Variants in PIP4K2A observed in about 807,000 individuals in gnomAD.
PIP4K2A encodes phosphatidylinositol 5-phosphate 4-kinase type-2 alpha.
PIP4K2A carries 14 observed loss-of-function variants against 42.9 expected under a neutral mutation model. That is an observed-to-expected ratio of 0.33 (90% CI 0.22 to 0.51). PIP4K2A has a LOEUF of 0.51. PIP4K2A is among the 20% of genes least tolerant of loss of function. PIP4K2A has a pLI of 0.97. For missense variants in PIP4K2A, 434 were observed against 519.8 expected (o/e 0.83, Z 1.61); for synonymous variants, 192 against 192.2 (o/e 1.00, Z 0.01).
At chr10:22,635,956 G>C (rs1295278916) in intron 1 of PIP4K2A, among the ~76,000 whole-genome samples, 1 of 152,226 alleles carries the variant, frequency 6.6e-6, no homozygotes, top group Non-Finnish European at 1.5e-5. Flanking sequence ...TTCATGTGGA[G>C]ATGTTTAACA....
In PIP4K2A at chr10:22,714,176, C is replaced by A. The variant is rs759078971; in HGVS notation, c.144+7G>T. On this transcript the variant is annotated splice_region_variant and intron_variant, in intron 1 of 9. Transcript: ENST00000376573. ...AAGGGGACCGCGCGCCGCAGCTGAG[C>A]CCTTACCGAGTGGTTTACCCCCCAC... 5 of 1,604,498 alleles carry A rather than the reference C, an allele frequency of 3.1e-6. No homozygotes were observed. Among genetic ancestry groups the A allele is most frequent in the Admixed American group, 1.7e-5 (1 of 59,340 alleles).
intron 1 of PIP4K2A, among the ~76,000 whole-genome samples, chr10:22,697,544 C>A (rs1372840522): frequency 6.6e-6 from 1 of 152,016 alleles, no homozygotes; most frequent in Non-Finnish European, 1.5e-5. Flanking sequence ...CACAGCAAGA[C>A]CCCCATCTCT....
intron 9 of PIP4K2A, among the ~76,000 whole-genome samples, chr10:22,537,856 T>C (rs953185105): frequency 6.6e-6 from 1 of 152,094 alleles, no homozygotes; most frequent in Non-Finnish European, 1.5e-5. Flanking sequence ...CGTAACCAGG[T>C]GAGGCACAAC....
At chr10:22,549,709 C>T (rs1463431090) in intron 7 of PIP4K2A, among the ~76,000 whole-genome samples, 2 of 151,116 alleles carry the variant, frequency 1.3e-5, no homozygotes, top group African/African-American at 2.4e-5. Flanking sequence ...GGCGTGGTGG[C>T]GGGTGCCTGT....
At chr10:22,642,022 A>T (rs1838792783) in intron 1 of PIP4K2A, 1 of 152,246 alleles carries the variant, frequency 6.6e-6, no homozygotes, top group Non-Finnish European at 1.5e-5. Context: ...TAATGATGAG[A>T]TATAAAGAAT....
At chr10:22,664,226 T>TACACACAC (rs796292751) in intron 1 of PIP4K2A, among the ~76,000 whole-genome samples, 2 of 54,424 alleles carry the variant, frequency 3.7e-5, no homozygotes, top group East Asian at 1.3e-3. Context: ...TACATATATA[T>TACACACAC]ATACACACAC....
At chr10:22,651,195 C>T (rs1838988964) in intron 1 of PIP4K2A, among the ~76,000 whole-genome samples, 1 of 152,214 alleles carries the variant, frequency 6.6e-6, no homozygotes, top group South Asian at 2.1e-4. Context: ...TCTGGACTCA[C>T]TAAGTCTGTC....
At chr10:22,573,666 CCAAA>C (rs1837042855) in intron 4 of PIP4K2A, among the ~76,000 whole-genome samples, 2 of 152,226 alleles carry the variant, frequency 1.3e-5, no homozygotes, top group African/African-American at 4.8e-5. Flanking sequence ...AATTTTATCT[CCAAA>C]CAGATTTTTT....
chr10:22,641,898 T>G (rs545229234), intron 1 of PIP4K2A: 1 of 152,394 alleles, frequency 6.6e-6, no homozygotes, highest in Admixed American at 6.5e-5. Context: ...TTCTCTACTC[T>G]GCAGCCAGAA....
chr10:22,665,648 T>C (rs1335308118), intron 1 of PIP4K2A, among the ~76,000 whole-genome samples: 1 of 147,040 alleles, frequency 6.8e-6, no homozygotes, highest in Non-Finnish European at 1.5e-5. Flanking sequence ...TAATGGTGTC[T>C]CACTATGTTG....
At chr10:22,707,865 T>C (rs922347823) in intron 1 of PIP4K2A, among the ~76,000 whole-genome samples, 9 of 152,190 alleles carry the variant, frequency 5.9e-5, no homozygotes, top group African/African-American at 1.4e-4. Context: ...AAAGGATCCT[T>C]GAACTTGCTA....
intron 1 of PIP4K2A, among the ~76,000 whole-genome samples, chr10:22,665,605 CTT>C (rs34262297): frequency 0.034 from 3,873 of 114,908 alleles, 85 homozygotes; most frequent in Admixed American, 0.049. Context: ...CCACACCTGG[CTT>C]TTTTTTTTTT....
intron 5 of PIP4K2A, among the ~76,000 whole-genome samples, chr10:22,569,716 C>CT (rs1836937940): frequency 6.6e-6 from 1 of 152,012 alleles, no homozygotes; most frequent in Admixed American, 6.5e-5. Flanking sequence ...ATATAATCCA[C>CT]CCTGCTTCTG....
rs899514733 is a variant in PIP4K2A at position 22,567,866 on chromosome 10, A to G, written c.663T>C (p.Ala221=). 1 of 1,613,954 alleles carries G rather than the reference A, an allele frequency of 6.2e-7. No individual in the cohort carries two copies. Among genetic ancestry groups the G allele is most frequent in the Non-Finnish European group, 8.5e-7 (1 of 1,179,762 alleles). Residue 221 remains alanine (A), a synonymous_variant, in exon 6 of 10, where the codon GCT becomes GCC. Coordinates refer to ENST00000376573, the MANE Select transcript of PIP4K2A (RefSeq NM_005028.5). ...DLKGSTVARE[A]SDKEKAKELP... ...AGGTACTTACCTTTTCTTTGTCACT[A>G]GCTTCTCTAGCCACTGTAGAGCCCT... is the stretch of plus-strand genomic sequence containing the variant.
intron 3 of PIP4K2A, among the ~76,000 whole-genome samples, chr10:22,595,027 T>C (rs1837601724): frequency 6.6e-6 from 1 of 152,218 alleles, no homozygotes; most frequent in African/African-American, 2.4e-5. Flanking sequence ...AAACATAGAA[T>C]GTACCTTTCA....
At chr10:22,539,912 GGAGAGA>G (rs35358870) in intron 9 of PIP4K2A, 53 bp downstream of exon 9, 14,147 of 451,300 alleles carry the variant, frequency 0.031, 145 homozygotes, top group Non-Finnish European at 0.037. Context: ...AGAGAGAGAG[GGAGAGA>G]GAGAGAGAGA....
chr10:22,656,746 GA>G (rs1230052690), intron 1 of PIP4K2A, among the ~76,000 whole-genome samples: 1 of 150,250 alleles, frequency 6.7e-6, no homozygotes, highest in African/African-American at 2.5e-5. Flanking sequence ...GCAGTGAGCC[GA>G]GATCGTGCCA....
intron 7 of PIP4K2A, among the ~76,000 whole-genome samples, chr10:22,545,411 C>A (rs1173856117): frequency 4.6e-5 from 7 of 152,220 alleles, no homozygotes; most frequent in Admixed American, 2.0e-4. Context: ...GGGAAGGGGA[C>A]AACTGGGACT....
chr10:22,577,468 G>A (rs1260700271), intron 4 of PIP4K2A, among the ~76,000 whole-genome samples: 1 of 152,056 alleles, frequency 6.6e-6, no homozygotes, highest in Admixed American at 6.6e-5. Context: ...CTTGCCTCTC[G>A]CCAAGCCATG....
Sources: allele counts gnomAD v4.1 joint callset (sites outside exome capture counted in the v4.1 genomes callset), GRCh38; gene constraint gnomAD v4.1.1; transcripts MANE v1.5; gene names NCBI Gene and HGNC (gene_info 2026-07-23, HGNC 2026-07-21).